SRGN: variants seen among roughly 807,000 people sequenced by gnomAD.
SRGN encodes serglycin, also known as hematopoetic proteoglycan core peptide.
Under a neutral mutation model 9.5 loss-of-function variants are expected in SRGN, and 2 were observed. The ratio of observed to expected loss-of-function variants is 0.21; its 90% CI spans 0.09 to 0.66. The LOEUF is 0.66. Among genes scored for constraint, SRGN ranks in the 30% least tolerant of loss-of-function variants. The pLI is 0.83. For synonymous variants in SRGN, 59 were observed against 72.3 expected (o/e 0.82, Z 0.93); for missense variants, 170 against 192.4 (o/e 0.88, Z 0.69).
rs368561360 is a variant in SRGN, at chr10:69,104,290, C to T, written c.*170C>T. 7 of 886,152 alleles carry T rather than the reference C, an allele frequency of 7.9e-6. No individual in the cohort carries two copies. The East Asian group carries it at 1.1e-4, about 15-fold the overall frequency. The allele number at this position is 886,152 out of a possible 1,614,324, so 54.9% of individuals were successfully genotyped here. On this transcript the variant is annotated 3_prime_UTR_variant, in exon 3 of 3. Coordinates refer to ENST00000242465, the MANE Select transcript of SRGN (RefSeq NM_002727.4). ...TCTCATGAATTCTTAAAGGATTATG[C>T]TTTAATGCTGTTATCTATTTTATTG...
rs571244756 is a variant in SRGN at position 69,097,629 on chromosome 10, T to G, written c.227+398T>G. 4.3e-3 allele frequency among the ~76,000 whole-genome samples: 659 copies of G among 152,056 alleles called. 5 individuals carry two copies. The highest frequency in any genetic ancestry group is 0.015 in the African/African-American group (632 of 41,496). ...TTTTTAGTAGAGACGGGGTTTCACC[T>G]TATTAGCCAGGATGGTCTCGATCTC... On this transcript the variant is annotated intron_variant, in intron 2 of 2. Transcript: ENST00000242465.
intron 2 of SRGN, among the ~76,000 whole-genome samples, 186 bp from the exon 3 acceptor site, chr10:69,103,685 A>G (rs1487730793): frequency 6.6e-6 from 1 of 152,212 alleles, no homozygotes; most frequent in African/African-American, 2.4e-5. Context: ...AGGCAAACAC[A>G]TAGGAACATT....
At chr10:69,093,158 A>G (rs973649375) in intron 1 of SRGN, among the ~76,000 whole-genome samples, 1 of 152,310 alleles carries the variant, frequency 6.6e-6, no homozygotes, top group East Asian at 1.9e-4. Context: ...CCAGTACGGT[A>G]GCCACAAGTC....
At chr10:69,098,256 G>A (rs920303810) in intron 2 of SRGN, among the ~76,000 whole-genome samples, 2 of 152,208 alleles carry the variant, frequency 1.3e-5, no homozygotes, top group Non-Finnish European at 2.9e-5. Context: ...AAAGAATGAA[G>A]TACTGATACA....
chr10:69,100,943 G>A (rs536457011), intron 2 of SRGN, among the ~76,000 whole-genome samples: 101 of 151,144 alleles, frequency 6.7e-4, no homozygotes, highest in Non-Finnish European at 1.1e-3. Flanking sequence ...TTCCACTATC[G>A]CTGTAGCCCA....
chr10:69,088,357 A>C, intron 1 of SRGN, 121 bp downstream of exon 1: 1 of 880,390 alleles, frequency 1.1e-6, no homozygotes, highest in Admixed American at 2.5e-5. Context: ...GGCAAAGAAG[A>C]AGGATTTGGG....
chr10:69,087,987 T>G, upstream of SRGN: 2 of 589,768 alleles, frequency 3.4e-6, no homozygotes, highest in East Asian at 3.0e-5. Flanking sequence ...CCACCCCCTT[T>G]CTTTCTGGGT....
At chr10:69,098,178 C>A (rs1486219203) in intron 2 of SRGN, among the ~76,000 whole-genome samples, 1 of 151,960 alleles carries the variant, frequency 6.6e-6, no homozygotes, top group Non-Finnish European at 1.5e-5. Context: ...ATATAAAAAT[C>A]CAATAATTAA....
intron 1 of SRGN, among the ~76,000 whole-genome samples, chr10:69,093,422 TTG>T (rs1235023047): frequency 3.3e-5 from 5 of 152,218 alleles, no homozygotes; most frequent in African/African-American, 7.2e-5. Flanking sequence ...GTGGTTTGCT[TTG>T]TGTTTCTATT....
intron 1 of SRGN, among the ~76,000 whole-genome samples, chr10:69,092,649 C>G (rs1248416994): frequency 6.6e-6 from 1 of 152,074 alleles, no homozygotes; most frequent in Non-Finnish European, 1.5e-5. Context: ...CAAAAATTAA[C>G]TGGGCATGGT....
At chr10:69,091,947 A>C (rs1840072369) in intron 1 of SRGN, among the ~76,000 whole-genome samples, 1 of 148,704 alleles carries the variant, frequency 6.7e-6, no homozygotes, top group Non-Finnish European at 1.5e-5. Flanking sequence ...AAATTAGTAT[A>C]TTGTGATTAT....
chr10:69,097,224 CT>C lies in SRGN; in HGVS notation c.225del (p.Pro76GlnfsTer8). 2 of 1,610,576 alleles carry C rather than the reference CT, an allele frequency of 1.2e-6. No individual in the cohort carries two copies. The highest frequency in any genetic ancestry group is 1.7e-5 in the Admixed American group (1 of 59,240). ...CAAGATCCCCCGTCTGAGGACTGAC[CT>C]TTTTCCGTAAGTGGACTTTTCTCTA... ...SNKIPRLRTD[L>X]FPKTRIQDLN... On this transcript the variant is annotated frameshift_variant, in exon 2 of 3. Transcript: ENST00000242465. LOFTEE classifies it low-confidence loss of function (END_TRUNC).
intron 2 of SRGN, among the ~76,000 whole-genome samples, chr10:69,100,816 G>A (rs1840274368): frequency 6.6e-6 from 1 of 152,024 alleles, no homozygotes. Context: ...AGAGAGGTAT[G>A]TTTCTTCTCC....
chr10:69,095,901 G>T lies in SRGN; in HGVS notation c.80-1183G>T, dbSNP rs901029000. 3.4e-5 allele frequency among the ~76,000 whole-genome samples: 4 copies of T among 117,158 alleles called. No individual in the cohort carries two copies. The South Asian group carries it at 1.2e-3, about 35-fold the overall frequency. 76.9% of individuals were successfully genotyped at this position (117,158 alleles called of 152,430 possible). A position where few individuals can be genotyped will look rare whatever the true frequency, so the allele number is the denominator to read the frequency against. On this transcript the variant is annotated intron_variant, in intron 1 of 2. Coordinates refer to ENST00000242465, the MANE Select transcript of SRGN (RefSeq NM_002727.4). ...CACTCCAGCCTGGGCGACACAGCAA[G>T]ACTCTCTCTCAATAAAATAAAATAA...
At chr10:69,103,677 G>C (rs1840333757) in intron 2 of SRGN, among the ~76,000 whole-genome samples, 194 bp from the exon 3 acceptor site, 2 of 152,036 alleles carry the variant, frequency 1.3e-5, no homozygotes, top group Admixed American at 1.3e-4. Context: ...ATAAGTATAG[G>C]CAAACACATA....
At chr10:69,087,667 T>C (rs1020204284), upstream of SRGN, among the ~76,000 whole-genome samples, 2 of 152,068 alleles carry the variant, frequency 1.3e-5, no homozygotes, top group African/African-American at 4.8e-5. Flanking sequence ...TGAGGTATGT[T>C]ACTCCCCGGT....
chr10:69,097,297 C>T, intron 2 of SRGN, 66 bp downstream of exon 2: 1 of 1,425,092 alleles, frequency 7.0e-7, no homozygotes. Flanking sequence ...TTTCACTTTT[C>T]TTGCCCAGGC....
rs113937899 is a variant in SRGN, at chr10:69,100,985, C to CTT, written c.228-2870_228-2869dup. On this transcript the variant is annotated intron_variant, in intron 2 of 2. Coordinates refer to ENST00000242465, the MANE Select transcript of SRGN (RefSeq NM_002727.4). ...GAAGTATTTTTTTCTTTCTTTCTTT[C>CTT]TTTTTTTTTTTTTTTTTACAGAGTC... Among the ~76,000 whole-genome samples, 197 of 144,074 alleles carry CTT rather than the reference C, an allele frequency of 1.4e-3. 1 individual carries two copies. Among genetic ancestry groups the CTT allele is most frequent in the African/African-American group, 4.7e-3 (182 of 38,452 alleles). The allele number at this position is 144,074 out of a possible 152,430, so 94.5% of individuals were successfully genotyped here.
intron 2 of SRGN, among the ~76,000 whole-genome samples, chr10:69,100,785 CTG>C (rs1390404046): frequency 6.6e-6 from 1 of 152,028 alleles, no homozygotes; most frequent in East Asian, 1.9e-4. Flanking sequence ...GGACGGGAGA[CTG>C]AGAGCTTGGG....
Sources: allele counts gnomAD v4.1 joint callset (sites outside exome capture counted in the v4.1 genomes callset), GRCh38; gene constraint gnomAD v4.1.1; transcripts MANE v1.5; gene names NCBI Gene and HGNC (gene_info 2026-07-23, HGNC 2026-07-21).